Variants in A4GNT observed in about 807,000 individuals in gnomAD.
The protein encoded by A4GNT is alpha-1,4-N-acetylglucosaminyltransferase.
Under a neutral mutation model 8.3 loss-of-function variants are expected in A4GNT, and 6 were observed. The observed-to-expected ratio is 0.72, with a 90% CI of 0.39 to 1.42. The LOEUF is 1.42. Among genes scored for constraint, A4GNT ranks in the 40% most tolerant of loss-of-function variants. The probability of loss-of-function intolerance (pLI) is 0.02; values close to 1 mark genes in which losing one functional copy is unlikely to be tolerated. For synonymous variants in A4GNT, 157 were observed against 159.8 expected (o/e 0.98, Z 0.13); for missense variants, 377 against 417.0 (o/e 0.90, Z 0.84).
In A4GNT at chr3:138,132,257, A is replaced by G. The variant is rs775239158; in HGVS notation, c.-72T>C. On this transcript the variant is annotated 5_prime_UTR_variant, in exon 1 of 3. Coordinates refer to ENST00000236709, the MANE Select transcript of A4GNT (RefSeq NM_016161.3). ...AAAATGTTAGCTCTAACCAAGGAGAACACAGATCTCACGTCTTGGCAGGTC... is the reference window on the plus strand; with the variant it reads ...AAAATGTTAGCTCTAACCAAGGAGAGCACAGATCTCACGTCTTGGCAGGTC... 6 of 152,228 alleles carry G rather than the reference A, an allele frequency of 3.9e-5. No individual in the cohort carries two copies. Among genetic ancestry groups the G allele is most frequent in the Non-Finnish European group, 7.3e-5 (5 of 68,048 alleles). The allele number at this position is 152,228 out of a possible 1,614,324, so 9.4% of individuals were successfully genotyped here.
Position 138,124,185 on chromosome 3 carries a change from C to A in A4GNT, c.*79G>T. ...ACCCTCTGCCCACCCCGCCAAGAGA[C>A]AGTGGAGATCAAGTGAAAATGTGGC... On this transcript the variant is annotated 3_prime_UTR_variant, in exon 3 of 3. Transcript: ENST00000236709. 6.5e-7 allele frequency: 1 copy of A among 1,533,412 alleles called. No individual in the cohort carries two copies. The highest frequency in any genetic ancestry group is 1.4e-5 in the African/African-American group (1 of 72,880). The allele number at this position is 1,533,412 out of a possible 1,614,324, so 95.0% of individuals were successfully genotyped here. A position where few individuals can be genotyped will look rare whatever the true frequency, so the allele number is the denominator to read the frequency against.
At position 138,123,935 on chromosome 3, in the gene A4GNT, G is replaced by T; in HGVS notation, c.*329C>A. On this transcript the variant is annotated 3_prime_UTR_variant, in exon 3 of 3. Transcript: ENST00000236709. ...CTCTCTTGCAGCTACATCTCAGTCA[G>T]TGCAATGTAAGAGAAAGTGTTATAC... 4.1e-6 allele frequency: 1 copy of T among 246,388 alleles called. No homozygotes were observed. The highest frequency in any genetic ancestry group is 7.9e-6 in the Non-Finnish European group (1 of 127,090). The allele number at this position is 246,388 out of a possible 1,614,324, so 15.3% of individuals were successfully genotyped here.
At chr3:138,125,490 G>A (rs1373313342) in intron 2 of A4GNT, among the ~76,000 whole-genome samples, 2 of 152,146 alleles carry the variant, frequency 1.3e-5, no homozygotes, top group African/African-American at 4.8e-5. Flanking sequence ...ACTGGGAGGA[G>A]ACAGATAATA....
rs1190308249 is a variant in A4GNT, at chr3:138,132,272, C to T, written c.-87G>A. ...ACCAAGGAGAACACAGATCTCACGT[C>T]TTGGCAGGTCTATCTTTCAAATTAC... On this transcript the variant is annotated 5_prime_UTR_variant, in exon 1 of 3. Transcript: ENST00000236709. 1 of 152,240 alleles carries T rather than the reference C, an allele frequency of 6.6e-6. No homozygotes were observed. Among genetic ancestry groups the T allele is most frequent in the Admixed American group, 6.5e-5 (1 of 15,286 alleles). The allele number at this position is 152,240 out of a possible 1,614,324, so 9.4% of individuals were successfully genotyped here.
At chr3:138,132,968 C>T (rs1265583339), upstream of A4GNT, among the ~76,000 whole-genome samples, 1 of 152,190 alleles carries the variant, frequency 6.6e-6, no homozygotes, top group Non-Finnish European at 1.5e-5. Context: ...TTGTTGTCCT[C>T]CACTGATGTG....
intron 2 of A4GNT, among the ~76,000 whole-genome samples, chr3:138,125,388 A>G (rs140413866): frequency 3.8e-3 from 572 of 152,350 alleles, no homozygotes; most frequent in Middle Eastern, 0.027. Context: ...TTATTATTAA[A>G]GGAATTAATT....
Position 138,124,391 on chromosome 3 carries a change from G to GC in A4GNT, c.895dup (p.Ala299GlyfsTer4). On this transcript the variant is annotated frameshift_variant, in exon 3 of 3. Coordinates refer to ENST00000236709, the MANE Select transcript of A4GNT (RefSeq NM_016161.3). LOFTEE classifies it low-confidence loss of function (END_TRUNC). ...CAGTGTGTTGCTTCCTCTAATCACA[G>GC]CCCGCCCCTCCTGGTTCATGTGGTT... 6.2e-7 allele frequency: 1 copy of GC among 1,614,200 alleles called. No individual in the cohort carries two copies. Among genetic ancestry groups the GC allele is most frequent in the Non-Finnish European group, 8.5e-7 (1 of 1,180,038 alleles).
At chr3:138,127,426 T>C (rs1016327965) in intron 2 of A4GNT, among the ~76,000 whole-genome samples, 6 of 151,426 alleles carry the variant, frequency 4.0e-5, no homozygotes, top group Admixed American at 6.6e-5. Flanking sequence ...ATACAAAAAT[T>C]AGCTGGGCAT....
chr3:138,125,704 G>T (rs1366723742), intron 2 of A4GNT, among the ~76,000 whole-genome samples: 1 of 152,180 alleles, frequency 6.6e-6, no homozygotes, highest in African/African-American at 2.4e-5. Context: ...TCTTGCAGTA[G>T]AGATTGTCCA....
Position 138,124,759 on chromosome 3 carries a change from G to C in A4GNT, c.528C>G (p.Ile176Met). ...MDTDVISIRPIPEENFLAAQA... is the reference protein window; with the variant it reads ...MDTDVISIRPMPEENFLAAQA... ...GCGCAGCCAAAAAGTTCTCCTCAGGGATGGGCCTGATGGAGATGACATCGG... is the reference window on the plus strand; with the variant it reads ...GCGCAGCCAAAAAGTTCTCCTCAGGCATGGGCCTGATGGAGATGACATCGG... The change falls in exon 3 of 3, where the codon ATC (isoleucine) becomes ATG (methionine). Residue 176 changes from isoleucine (I) to methionine (M), a missense_variant. Physicochemically the swap from Ile to Met is conservative, Grantham distance 10 (BLOSUM62 1). Transcript: ENST00000236709. 1 of 1,614,196 alleles carries C rather than the reference G, an allele frequency of 6.2e-7. No individual in the cohort carries two copies. Among genetic ancestry groups the C allele is most frequent in the Non-Finnish European group, 8.5e-7 (1 of 1,180,038 alleles).
intron 2 of A4GNT, 127 bp downstream of exon 2, chr3:138,130,722 G>A: frequency 1.0e-6 from 1 of 963,026 alleles, no homozygotes; most frequent in Non-Finnish European, 1.5e-6. Context: ...TCTCAACATG[G>A]TAAAAAGAGG....
intron 2 of A4GNT, among the ~76,000 whole-genome samples, chr3:138,130,325 A>G (rs1300714834): frequency 1.3e-5 from 2 of 152,204 alleles, no homozygotes; most frequent in Admixed American, 1.3e-4. Context: ...AGACTGGCAC[A>G]TTATTCCCTT....
intron 2 of A4GNT, among the ~76,000 whole-genome samples, chr3:138,130,348 T>C (rs1559875613): frequency 6.6e-6 from 1 of 152,200 alleles, no homozygotes; most frequent in Non-Finnish European, 1.5e-5. Flanking sequence ...TCTGGTTCAC[T>C]ACAAACTTGG....
Position 138,124,552 on chromosome 3 carries a change from G to T in A4GNT, c.735C>A (p.Ser245Arg). 4 of 1,614,202 alleles carry T rather than the reference G, an allele frequency of 2.5e-6. No homozygotes were observed. Among genetic ancestry groups the T allele is most frequent in the Middle Eastern group, 1.6e-4 (1 of 6,062 alleles). Residue 245 changes from serine to arginine, a missense_variant, in exon 3 of 3, where the codon AGC becomes AGA. Ser to Arg is a moderately radical substitution (Grantham distance 110). Coordinates refer to ENST00000236709, the MANE Select transcript of A4GNT (RefSeq NM_016161.3). ...AGGATATGTTCAGACACCTGAGGTC[G>T]CTCACCTCCTGGAAGTCTTCAAGTT... ...WCKLEDFQEV[S>R]DLRCLNISFL...
Position 138,124,109 on chromosome 3 carries a change from T to G in A4GNT, c.*155A>C, listed in dbSNP as rs950485995. 53 of 1,054,204 alleles carry G rather than the reference T, an allele frequency of 5.0e-5. No individual in the cohort carries two copies. The highest frequency in any genetic ancestry group is 7.1e-5 in the Non-Finnish European group (53 of 747,414). The allele number at this position is 1,054,204 out of a possible 1,614,324, so 65.3% of individuals were successfully genotyped here. On this transcript the variant is annotated 3_prime_UTR_variant, in exon 3 of 3. Transcript: ENST00000236709. ...GTTTTATAGCCAGTATCATTTGGGA[T>G]TTTTCTATTACAGACAGAGAAAGCT...
chr3:138,129,885 C>T (rs2042766152), intron 2 of A4GNT, among the ~76,000 whole-genome samples: 1 of 152,200 alleles, frequency 6.6e-6, no homozygotes, highest in Non-Finnish European at 1.5e-5. Context: ...CTGCCTTGGT[C>T]TCTGGAGTAG....
At position 138,124,195 on chromosome 3, in the gene A4GNT, C is replaced by A; in HGVS notation, c.*69G>T. On this transcript the variant is annotated 3_prime_UTR_variant, in exon 3 of 3. Coordinates refer to ENST00000236709, the MANE Select transcript of A4GNT (RefSeq NM_016161.3). ...CACCCCGCCAAGAGACAGTGGAGAT[C>A]AAGTGAAAATGTGGCACTCCAGGAA... 6.5e-7 allele frequency: 1 copy of A among 1,548,652 alleles called. No individual in the cohort carries two copies. Among genetic ancestry groups the A allele is most frequent in the Non-Finnish European group, 8.7e-7 (1 of 1,145,402 alleles).
intron 2 of A4GNT, among the ~76,000 whole-genome samples, chr3:138,128,156 G>A (rs1281565245): frequency 2.0e-5 from 3 of 152,126 alleles, no homozygotes; most frequent in Non-Finnish European, 4.4e-5. Flanking sequence ...TCATGTGTGT[G>A]ATTCATCTGT....
chr3:138,124,906 A>C, intron 2 of A4GNT, 28 bp from the exon 3 acceptor site: 3 of 1,595,726 alleles, frequency 1.9e-6, no homozygotes, highest in Non-Finnish European at 2.6e-6. Context: ...AATCAGCCCC[A>C]AGTAGCCAGG....
Sources: gnomAD v4.1 joint callset for allele counts (sites outside exome capture counted in the v4.1 genomes callset) on GRCh38, gnomAD v4.1.1 for gene constraint, MANE v1.5 for transcripts, NCBI Gene and HGNC (gene_info 2026-07-23, HGNC 2026-07-21) for gene names.